GRIN3A: variants seen among roughly 807,000 people sequenced by gnomAD.
The protein encoded by GRIN3A is glutamate receptor ionotropic, NMDA 3A.
Under a neutral mutation model 92.4 loss-of-function variants are expected in GRIN3A, and 47 were observed. That is an observed-to-expected ratio of 0.51 (90% confidence interval 0.40 to 0.65). GRIN3A has a LOEUF of 0.65. Ranked by LOEUF, GRIN3A falls within the 30% of genes least tolerant of loss-of-function variation. GRIN3A has a pLI of 0.00. For missense variants in GRIN3A, 1,324 were observed against 1,393.1 expected (o/e 0.95, Z 0.79); for synonymous variants, 527 against 540.6 (o/e 0.97, Z 0.35).
intron 1 of GRIN3A, among the ~76,000 whole-genome samples, chr9:101,715,185 T>C (rs1393710420): frequency 7.0e-6 from 1 of 142,822 alleles, no homozygotes; most frequent in African/African-American, 2.6e-5. Flanking sequence ...ATGGGACATT[T>C]TGTGACAAAA....
At chr9:101,668,763 T>C (rs1344867621) in intron 3 of GRIN3A, among the ~76,000 whole-genome samples, 1 of 152,152 alleles carries the variant, frequency 6.6e-6, no homozygotes, top group Admixed American at 6.6e-5. Context: ...ATGGGTCAAA[T>C]TTCTTACATT....
At chr9:101,721,628 G>A (rs891185517) in intron 1 of GRIN3A, among the ~76,000 whole-genome samples, 2 of 152,160 alleles carry the variant, frequency 1.3e-5, no homozygotes, top group Admixed American at 6.5e-5. Flanking sequence ...TGAACAATAA[G>A]GTCCAGGCTG....
In GRIN3A at chr9:101,738,436, T is replaced by G; in HGVS notation, c.-457A>C. ...TTTCTGCCCAGGCGAGACCCACTTA[T>G]TTCCTGGGGTCGCGTTGGAGAGGGC... is the stretch of plus-strand genomic sequence containing the variant. On this transcript the variant is annotated 5_prime_UTR_variant, in exon 1 of 9. Transcript: ENST00000361820. 2 of 189,214 alleles carry G rather than the reference T, an allele frequency of 1.1e-5. No homozygotes were observed. Among genetic ancestry groups the G allele is most frequent in the Non-Finnish European group, 2.1e-5 (2 of 93,318 alleles). 11.7% of individuals were successfully genotyped at this position (189,214 alleles called of 1,614,324 possible).
intron 6 of GRIN3A, among the ~76,000 whole-genome samples, chr9:101,610,776 G>C (rs1364027021): frequency 6.6e-6 from 1 of 152,110 alleles, no homozygotes; most frequent in Non-Finnish European, 1.5e-5. Flanking sequence ...TCAGAGGATG[G>C]AGTATTTGAG....
In GRIN3A at chr9:101,686,612, C is replaced by T; in HGVS notation, c.1288G>A (p.Gly430Arg). The T allele has an allele frequency of 1.2e-6, 2 of 1,614,112 alleles. No individual in the cohort carries two copies. The highest frequency in any genetic ancestry group is 1.7e-6 in the Non-Finnish European group (2 of 1,180,014). ...GCATCCTACCTTGATAAATATTGTCCTGAAGTGAGATTTGTAGTTTCCACC... is the reference window on the plus strand; with the variant it reads ...GCATCCTACCTTGATAAATATTGTCTTGAAGTGAGATTTGTAGTTTCCACC... ...MEVETTNLTS[G>R]QYLSRFLANT... The change falls in exon 2 of 9, where the codon GGA (glycine) becomes AGA (arginine). Residue 430 changes from glycine (G) to arginine (R), a missense_variant. Coordinates refer to ENST00000361820, the MANE Select transcript of GRIN3A (RefSeq NM_133445.3).
At chr9:101,677,349 AT>A (rs1829411754) in intron 2 of GRIN3A, among the ~76,000 whole-genome samples, 2 of 151,020 alleles carry the variant, frequency 1.3e-5, no homozygotes, top group African/African-American at 4.9e-5. Flanking sequence ...AATACTCTTT[AT>A]TTTATTTTAT....
intron 3 of GRIN3A, among the ~76,000 whole-genome samples, chr9:101,652,698 G>C (rs562864231): frequency 6.6e-6 from 1 of 152,122 alleles, no homozygotes; most frequent in South Asian, 2.1e-4. Context: ...GTGCAGCCTA[G>C]TTAGCTTTCA....
chr9:101,599,817 T>C (rs937896010), intron 6 of GRIN3A, among the ~76,000 whole-genome samples: 9 of 152,194 alleles, frequency 5.9e-5, no homozygotes, highest in African/African-American at 1.4e-4. Context: ...ACAGCTGTTC[T>C]AGAAGCTATA....
intron 2 of GRIN3A, among the ~76,000 whole-genome samples, chr9:101,673,530 G>A (rs1370786376): frequency 6.6e-6 from 1 of 151,954 alleles, no homozygotes; most frequent in Non-Finnish European, 1.5e-5. Flanking sequence ...TTACGATAAG[G>A]GTGAATCAAA....
intron 5 of GRIN3A, among the ~76,000 whole-genome samples, chr9:101,613,760 G>A (rs1212038895): frequency 6.6e-6 from 1 of 152,180 alleles, no homozygotes. Flanking sequence ...TGTGCACAGT[G>A]CATTAGTGAA....
intron 6 of GRIN3A, among the ~76,000 whole-genome samples, chr9:101,601,740 A>G (rs1438076178): frequency 6.6e-6 from 1 of 152,098 alleles, no homozygotes; most frequent in Admixed American, 6.5e-5. Flanking sequence ...TGCCTTCATC[A>G]TCACATGGTG....
At chr9:101,671,715 G>A (rs1305530094) in intron 2 of GRIN3A, among the ~76,000 whole-genome samples, 6 of 152,256 alleles carry the variant, frequency 3.9e-5, no homozygotes, top group Non-Finnish European at 8.8e-5. Context: ...GCTAGTTGAA[G>A]CTGCATGTTG....
rs181683230 is a variant in GRIN3A at position 101,666,412 on chromosome 9, T to C, written c.2352+3648A>G. Reference sequence around the variant, plus strand: ...CAGGAAGGGAAAACCAAATACCACATGTTCTTTCTTACAAGTTGGAGCTAA... The same window carrying C: ...CAGGAAGGGAAAACCAAATACCACACGTTCTTTCTTACAAGTTGGAGCTAA... On this transcript the variant is annotated intron_variant, in intron 3 of 8. Coordinates refer to ENST00000361820, the MANE Select transcript of GRIN3A (RefSeq NM_133445.3). Among the ~76,000 whole-genome samples, 310 of 152,016 alleles carry C rather than the reference T, an allele frequency of 2.0e-3. 1 individual carries two copies. The highest frequency in any genetic ancestry group is 6.8e-3 in the African/African-American group (281 of 41,502).
At position 101,687,041 on chromosome 9, in the gene GRIN3A, A is replaced by G; in HGVS notation, c.859T>C (p.Ser287Pro). ...ATGATAGAACCAAGGTGGAACTTGGAATTATTCTGGGTAAGGAGGAGGAAG... is the reference window on the plus strand; with the variant it reads ...ATGATAGAACCAAGGTGGAACTTGGGATTATTCTGGGTAAGGAGGAGGAAG... ...TDFLLLTQNN[S>P]KFHLGSIINI... Residue 287 changes from serine (S) to proline (P), a missense_variant, in exon 2 of 9, where the codon TCC (serine) becomes CCC (proline). Physicochemically the swap from Ser to Pro is moderately conservative, Grantham distance 74. Transcript: ENST00000361820. 6.2e-7 allele frequency: 1 copy of G among 1,614,020 alleles called. No individual in the cohort carries two copies. Among genetic ancestry groups the G allele is most frequent in the South Asian group, 1.1e-5 (1 of 91,064 alleles).
intron 3 of GRIN3A, among the ~76,000 whole-genome samples, chr9:101,640,607 G>A (rs1490080752): frequency 6.6e-6 from 1 of 152,174 alleles, no homozygotes; most frequent in Non-Finnish European, 1.5e-5. Context: ...GTTTGGCTGT[G>A]TCCCCACGCA....
chr9:101,631,350 T>G (rs1828707847), intron 3 of GRIN3A, among the ~76,000 whole-genome samples: 1 of 152,204 alleles, frequency 6.6e-6, no homozygotes. Flanking sequence ...ACTCAAGCTT[T>G]CTAAACAAAC....
At chr9:101,702,083 C>T (rs1829763046) in intron 1 of GRIN3A, among the ~76,000 whole-genome samples, 1 of 152,174 alleles carries the variant, frequency 6.6e-6, no homozygotes, top group African/African-American at 2.4e-5. Context: ...GGGCGAATCA[C>T]TTGAGGCCAG....
In GRIN3A at chr9:101,670,605, C is replaced by T. The variant is rs765155786; in HGVS notation, c.1807G>A (p.Gly603Arg). ...FDFDLYIVGD[G>R]KYGAWKNGHW... Reference sequence around the variant, plus strand: ...CCATTTTTCCATGCTCCATACTTTCCATCCCCTACAATATAGAGGTCGAAG... The same window carrying T: ...CCATTTTTCCATGCTCCATACTTTCTATCCCCTACAATATAGAGGTCGAAG... Residue 603 changes from glycine to arginine, a missense_variant, in exon 3 of 9, where the codon GGA becomes AGA. Transcript: ENST00000361820. 2 of 1,614,052 alleles carry T rather than the reference C, an allele frequency of 1.2e-6. No homozygotes were observed. Among genetic ancestry groups the T allele is most frequent in the African/African-American group, 1.3e-5 (1 of 75,066 alleles).
Position 101,665,219 on chromosome 9 carries a change from C to T in GRIN3A, c.2352+4841G>A, listed in dbSNP as rs140930228. ...ATTTTTAGATTTGGGGTGTCTGGAT[C>T]GCCTCTAAGAGGTAAAAACATCAAT... On this transcript the variant is annotated intron_variant, in intron 3 of 8. Coordinates refer to ENST00000361820, the MANE Select transcript of GRIN3A (RefSeq NM_133445.3). Among the ~76,000 whole-genome samples, 10 of 151,840 alleles carry T rather than the reference C, an allele frequency of 6.6e-5. No homozygotes were observed. The South Asian group carries it at 1.7e-3, about 25-fold the overall frequency.
Sources: allele counts gnomAD v4.1 joint callset (sites outside exome capture counted in the v4.1 genomes callset), GRCh38; gene constraint gnomAD v4.1.1; transcripts MANE v1.5; gene names NCBI Gene and HGNC (gene_info 2026-07-23, HGNC 2026-07-21).